GALNT10: variants seen among roughly 807,000 people sequenced by gnomAD.
The protein encoded by GALNT10 is polypeptide N-acetylgalactosaminyltransferase 10, also known as GalNAc transferase 10.
In GALNT10, 41 loss-of-function variants were observed where a neutral mutation model predicts 75.0. The ratio of observed to expected loss-of-function variants is 0.55; its 90% CI spans 0.43 to 0.71. GALNT10 has a LOEUF of 0.71. Ranked by LOEUF, GALNT10 falls within the 30% of genes least tolerant of loss-of-function variation. The pLI, the probability that GALNT10 is intolerant of heterozygous loss-of-function variation, is 0.00. For synonymous variants in GALNT10, 302 were observed against 313.0 expected (o/e 0.96, Z 0.37); for missense variants, 727 against 818.5 (o/e 0.89, Z 1.36).
chr5:154,377,418 A>G (rs1180741592), intron 5 of GALNT10, among the ~76,000 whole-genome samples: 3 of 152,236 alleles, frequency 2.0e-5, no homozygotes, highest in Admixed American at 2.0e-4. Flanking sequence ...GGGAGCAAAG[A>G]GAACTGAAGT....
intron 3 of GALNT10, among the ~76,000 whole-genome samples, chr5:154,324,142 A>C (rs896568966): frequency 6.6e-6 from 1 of 152,186 alleles, no homozygotes; most frequent in African/African-American, 2.4e-5. Flanking sequence ...CTTCAGGCTC[A>C]TTGTGTGTAA....
chr5:154,415,987 T>TA, intron 11 of GALNT10, 55 bp downstream of exon 11: 2 of 1,530,434 alleles, frequency 1.3e-6, no homozygotes, highest in Non-Finnish European at 1.8e-6. Context: ...TTTAAGGCAA[T>TA]ACAGTGCTTC....
chr5:154,255,944 T>G (rs979282976), intron 1 of GALNT10, among the ~76,000 whole-genome samples: 1 of 151,816 alleles, frequency 6.6e-6, no homozygotes, highest in Non-Finnish European at 1.5e-5. Context: ...CATTTCAGTG[T>G]TTTTTAGTTT....
chr5:154,279,694 T>C (rs759692875), intron 1 of GALNT10, among the ~76,000 whole-genome samples: 7 of 151,108 alleles, frequency 4.6e-5, no homozygotes, highest in Non-Finnish European at 1.0e-4. Context: ...AATCCTCCCA[T>C]CTCATCCTCC....
intron 8 of GALNT10, among the ~76,000 whole-genome samples, chr5:154,405,061 G>A (rs1756244930): frequency 6.6e-6 from 1 of 152,184 alleles, no homozygotes; most frequent in African/African-American, 2.4e-5. Flanking sequence ...AGAGCCTTGC[G>A]GGGAAGCTGG....
intron 1 of GALNT10, among the ~76,000 whole-genome samples, chr5:154,256,993 A>G (rs1395573867): frequency 6.6e-6 from 1 of 152,090 alleles, no homozygotes; most frequent in Non-Finnish European, 1.5e-5. Flanking sequence ...AGGCTCGGCC[A>G]GGCATTACAG....
intron 4 of GALNT10, among the ~76,000 whole-genome samples, chr5:154,356,658 G>T (rs1239401969): frequency 6.6e-6 from 1 of 152,224 alleles, no homozygotes; most frequent in Non-Finnish European, 1.5e-5. Flanking sequence ...CCCCCTGAAG[G>T]TGGGAGAAGG....
chr5:154,332,096 C>A (rs575696064), intron 4 of GALNT10, among the ~76,000 whole-genome samples: 9 of 152,174 alleles, frequency 5.9e-5, no homozygotes, highest in Non-Finnish European at 8.8e-5. Context: ...TCTCCTCTCC[C>A]AGCCTCATCC....
At chr5:154,335,349 G>A (rs963056241) in intron 4 of GALNT10, among the ~76,000 whole-genome samples, 2 of 152,178 alleles carry the variant, frequency 1.3e-5, no homozygotes, top group African/African-American at 2.4e-5. Context: ...TTGTAAGACC[G>A]TGAGACCATG....
rs868559458 is a variant in GALNT10 at position 154,416,480 on chromosome 5, T to C, written c.1654-334T>C. ...AAATAAAAGATAAAAGGAAAGCACA[T>C]ACACACACACACACACACACACACA... is the stretch of plus-strand genomic sequence containing the variant. On this transcript the variant is annotated intron_variant, in intron 11 of 11. Coordinates refer to ENST00000297107, the MANE Select transcript of GALNT10 (RefSeq NM_198321.4). This position sits in a 1 kb window ranked among gnomAD's most constrained non-coding sequence, Gnocchi z 4.5. 1.3e-4 allele frequency among the ~76,000 whole-genome samples: 18 copies of C among 141,930 alleles called. No individual in the cohort carries two copies. The highest frequency in any genetic ancestry group is 4.1e-4 in the East Asian group (2 of 4,824). 93.1% of individuals were successfully genotyped at this position (141,930 alleles called of 152,430 possible).
intron 1 of GALNT10, among the ~76,000 whole-genome samples, chr5:154,276,920 A>G (rs1459500129): frequency 2.0e-5 from 3 of 152,244 alleles, no homozygotes; most frequent in East Asian, 3.9e-4. Flanking sequence ...GGAGGACAAG[A>G]TACAAACAGT....
intron 8 of GALNT10, among the ~76,000 whole-genome samples, chr5:154,404,686 A>T (rs1209566354): frequency 2.6e-5 from 4 of 152,200 alleles, no homozygotes; most frequent in Non-Finnish European, 4.4e-5. Context: ...GTTAGACCAG[A>T]GGTGATGTAA....
intron 1 of GALNT10, among the ~76,000 whole-genome samples, chr5:154,267,907 C>T (rs1187266664): frequency 1.3e-5 from 2 of 152,102 alleles, no homozygotes; most frequent in Admixed American, 6.6e-5. Flanking sequence ...GAAAAAGTCT[C>T]AAGAAAAAGA....
chr5:154,359,364 C>A (rs1489495802), intron 4 of GALNT10, among the ~76,000 whole-genome samples: 1 of 151,898 alleles, frequency 6.6e-6, no homozygotes, highest in Non-Finnish European at 1.5e-5. Flanking sequence ...GCCTCTGGCC[C>A]CAGGGAATTC....
At chr5:154,207,158 A>G (rs1381914548) in intron 1 of GALNT10, among the ~76,000 whole-genome samples, 1 of 152,214 alleles carries the variant, frequency 6.6e-6, no homozygotes, top group East Asian at 1.9e-4. Context: ...TCCCCATTTT[A>G]TGGATGAAGG....
At chr5:154,369,059 G>T (rs1207575154) in intron 4 of GALNT10, among the ~76,000 whole-genome samples, 17 of 152,164 alleles carry the variant, frequency 1.1e-4, no homozygotes, top group Admixed American at 1.0e-3. Flanking sequence ...TAAGAAAGTT[G>T]TCACAAGAGA....
At chr5:154,226,039 C>T (rs888656726) in intron 1 of GALNT10, among the ~76,000 whole-genome samples, 8 of 151,292 alleles carry the variant, frequency 5.3e-5, no homozygotes, top group South Asian at 2.1e-4. Flanking sequence ...TGTTAAATGA[C>T]GAGTTAATGG....
intron 4 of GALNT10, among the ~76,000 whole-genome samples, chr5:154,369,298 G>T (rs1273121653): frequency 6.6e-6 from 1 of 152,162 alleles, no homozygotes; most frequent in Admixed American, 6.5e-5. Flanking sequence ...TGAGGCAGGA[G>T]AATCACTTGA....
At position 154,420,485 on chromosome 5, in the gene GALNT10, A is replaced by G. The variant is rs899868873; in HGVS notation, c.*3513A>G. On this transcript the variant is annotated 3_prime_UTR_variant, in exon 12 of 12. Coordinates refer to ENST00000297107, the MANE Select transcript of GALNT10 (RefSeq NM_198321.4). ...GATATCTAGTTTGTACAGTTGGGTG[A>G]TCTTTTGTAATTCCTAGGAGGTAAT... 9 of 152,152 alleles carry G rather than the reference A, an allele frequency of 5.9e-5. No homozygotes were observed. The highest frequency in any genetic ancestry group is 2.2e-4 in the African/African-American group (9 of 41,436). The allele number at this position is 152,152 out of a possible 1,614,324, so 9.4% of individuals were successfully genotyped here. A position where few individuals can be genotyped will look rare whatever the true frequency, so the allele number is the denominator to read the frequency against.
Sources: gnomAD v4.1 joint callset for allele counts (sites outside exome capture counted in the v4.1 genomes callset) on GRCh38, gnomAD v4.1.1 for gene constraint, Gnocchi (gnomAD v3.1) non-coding constraint, MANE v1.5 for transcripts, NCBI Gene and HGNC (gene_info 2026-07-23, HGNC 2026-07-21) for gene names.